The following SPOCK3 variants were observed in gnomAD, a reference collection of about 807,000 sequenced individuals.
SPOCK3 encodes the protein SPARC (osteonectin), cwcv and kazal like domains proteoglycan 3.
A neutral mutation model predicts 56.6 loss-of-function variants in SPOCK3; 30 were observed. The ratio of observed to expected loss-of-function variants is 0.53; its 90% CI spans 0.40 to 0.72. The LOEUF is 0.72. Ranked by LOEUF, SPOCK3 falls within the 30% of genes least tolerant of loss-of-function variation. SPOCK3 has a pLI of 0.00. For synonymous variants in SPOCK3, 196 were observed against 183.3 expected (o/e 1.07, Z -0.56); for missense variants, 527 against 530.0 (o/e 0.99, Z 0.06).
intron 3 of SPOCK3, among the ~76,000 whole-genome samples, chr4:167,027,028 C>A (rs1369059923): frequency 6.6e-6 from 1 of 151,804 alleles, no homozygotes; most frequent in Non-Finnish European, 1.5e-5. Flanking sequence ...CAAATCTTTT[C>A]TTTCATGTTC....
At chr4:167,222,733 A>C (rs1037298800) in intron 2 of SPOCK3, among the ~76,000 whole-genome samples, 62 of 131,272 alleles carry the variant, frequency 4.7e-4, no homozygotes, top group African/African-American at 1.7e-3. Context: ...ATATGAATAT[A>C]TAAATATATA....
intron 2 of SPOCK3, among the ~76,000 whole-genome samples, chr4:167,146,660 C>T (rs1228571141): frequency 1.3e-5 from 2 of 152,138 alleles, no homozygotes; most frequent in Non-Finnish European, 2.9e-5. Flanking sequence ...AAGAAACTCA[C>T]TCAAAACTGC....
intron 2 of SPOCK3, among the ~76,000 whole-genome samples, chr4:167,222,391 A>G (rs1282550861): frequency 6.6e-6 from 1 of 151,512 alleles, no homozygotes; most frequent in Non-Finnish European, 1.5e-5. Context: ...TATACTTGAC[A>G]CTACTGAATT....
chr4:167,001,936 C>T (rs1274102839), intron 3 of SPOCK3, among the ~76,000 whole-genome samples: 1 of 151,404 alleles, frequency 6.6e-6, no homozygotes, highest in Non-Finnish European at 1.5e-5. Flanking sequence ...TTTTGATAAT[C>T]AATGCATTTT....
At chr4:166,934,099 A>T (rs1201402698) in intron 4 of SPOCK3, among the ~76,000 whole-genome samples, 5 of 152,196 alleles carry the variant, frequency 3.3e-5, no homozygotes, top group Non-Finnish European at 5.9e-5. Flanking sequence ...AGGAGGAAAA[A>T]TATGAGCCAT....
chr4:166,953,524 T>C (rs1217455207), intron 4 of SPOCK3, among the ~76,000 whole-genome samples: 1 of 151,994 alleles, frequency 6.6e-6, no homozygotes, highest in African/African-American at 2.4e-5. Context: ...GAAGTCAGTG[T>C]GGTGATTCCT....
Position 167,214,567 on chromosome 4 carries a change from T to C in SPOCK3, c.189+19418A>G, listed in dbSNP as rs1044010756. Among the ~76,000 whole-genome samples the C allele has an allele frequency of 7.2e-5, 11 of 152,264 alleles. No individual in the cohort carries two copies. In the South Asian group the frequency reaches 2.3e-3, roughly 32 times the overall value. ...CATTTGGTTTTTCCCAAGTGATTGTTCTTACCATTTTTATTATAAAATCAG... is the reference window on the plus strand; with the variant it reads ...CATTTGGTTTTTCCCAAGTGATTGTCCTTACCATTTTTATTATAAAATCAG... On this transcript the variant is annotated intron_variant, in intron 2 of 10. Coordinates refer to ENST00000357545, the MANE Select transcript of SPOCK3 (RefSeq NM_001040159.2).
chr4:167,122,329 C>G (rs1761941658), intron 2 of SPOCK3, among the ~76,000 whole-genome samples: 1 of 151,986 alleles, frequency 6.6e-6, no homozygotes, highest in African/African-American at 2.4e-5. Flanking sequence ...AATTTTTGAT[C>G]TGTGGAGACG....
chr4:167,178,796 AGAT>A (rs1731202741), intron 2 of SPOCK3, among the ~76,000 whole-genome samples: 1 of 152,164 alleles, frequency 6.6e-6, no homozygotes, highest in Non-Finnish European at 1.5e-5. Flanking sequence ...TAAAAATAAA[AGAT>A]GATGTAAATA....
At chr4:166,821,531 C>A (rs1744938380) in intron 6 of SPOCK3, among the ~76,000 whole-genome samples, 1 of 152,012 alleles carries the variant, frequency 6.6e-6, no homozygotes, top group African/African-American at 2.4e-5. Flanking sequence ...TGGAACCTAT[C>A]CAATTTTCAT....
intron 7 of SPOCK3, among the ~76,000 whole-genome samples, chr4:166,781,903 T>C (rs559912632): frequency 1.3e-5 from 2 of 152,204 alleles, no homozygotes; most frequent in African/African-American, 4.8e-5. Flanking sequence ...CACAAAGCTC[T>C]CAACCCAGTA....
chr4:166,931,271 C>T (rs546310670), intron 4 of SPOCK3, among the ~76,000 whole-genome samples: 34 of 151,546 alleles, frequency 2.2e-4, no homozygotes, highest in Admixed American at 9.2e-4. Context: ...CGTGAGCCAC[C>T]GCTCCCGGCC....
intron 6 of SPOCK3, among the ~76,000 whole-genome samples, chr4:166,856,542 G>A (rs1040064803): frequency 2.0e-5 from 3 of 152,166 alleles, no homozygotes; most frequent in African/African-American, 7.2e-5. Context: ...TTGGGAGACC[G>A]AGGTGGGTGG....
At chr4:167,199,511 A>C (rs1443491160) in intron 2 of SPOCK3, among the ~76,000 whole-genome samples, 1 of 151,888 alleles carries the variant, frequency 6.6e-6, no homozygotes. Flanking sequence ...TTTTAGCTCC[A>C]CAGTTCTTCA....
At chr4:167,174,488 T>A (rs1730793908) in intron 2 of SPOCK3, among the ~76,000 whole-genome samples, 1 of 150,814 alleles carries the variant, frequency 6.6e-6, no homozygotes. Context: ...TATATAGGGA[T>A]TTACAGTTCC....
chr4:167,221,225 A>G (rs969809480), intron 2 of SPOCK3, among the ~76,000 whole-genome samples: 1 of 151,660 alleles, frequency 6.6e-6, no homozygotes, highest in African/African-American at 2.4e-5. Flanking sequence ...AAAATTAGCC[A>G]CACATGGTGG....
intron 7 of SPOCK3, among the ~76,000 whole-genome samples, chr4:166,765,046 T>C (rs1419729733): frequency 2.6e-5 from 4 of 152,202 alleles, no homozygotes; most frequent in Non-Finnish European, 5.9e-5. Context: ...CTTTGTTTTT[T>C]TCTTGTAAAT....
intron 5 of SPOCK3, among the ~76,000 whole-genome samples, chr4:166,891,478 AATT>A (rs2127016316): frequency 6.6e-6 from 1 of 152,110 alleles, no homozygotes; most frequent in East Asian, 1.9e-4. Context: ...AATGATTAAA[AATT>A]ATTAAGGACT....
intron 2 of SPOCK3, among the ~76,000 whole-genome samples, chr4:167,159,115 A>G (rs1021369178): frequency 2.0e-5 from 3 of 152,028 alleles, no homozygotes; most frequent in Non-Finnish European, 2.9e-5. Context: ...TGAATCCTTT[A>G]TAATCTGAGG....
Sources: gnomAD v4.1 joint callset for allele counts (sites outside exome capture counted in the v4.1 genomes callset) on GRCh38, gnomAD v4.1.1 for gene constraint, MANE v1.5 for transcripts, NCBI Gene and HGNC (gene_info 2026-07-23, HGNC 2026-07-21) for gene names.